The following WDR62 variants were observed in gnomAD, a reference collection of about 807,000 sequenced individuals.
WDR62 encodes WD repeat domain 62.
WDR62 carries 112 observed loss-of-function variants against 160.6 expected under a neutral mutation model. The ratio of observed to expected loss-of-function variants is 0.70; its 90% CI spans 0.60 to 0.82. The LOEUF (loss-of-function observed/expected upper bound fraction) is 0.82, where lower values mean the gene tolerates loss of function less well. Among genes scored for constraint, WDR62 ranks in the 40% least tolerant of loss-of-function variants. The pLI is 0.00. For missense variants in WDR62, 1,819 were observed against 1,983.8 expected, an observed-to-expected ratio of 0.92 and a Z score of 1.58; for synonymous variants, 792 against 815.1, an observed-to-expected ratio of 0.97 and a Z score of 0.48.
At chr19:36,073,277 A>G in intron 8 of WDR62, 65 bp from the exon 9 acceptor site, 6 of 1,526,324 alleles carry the variant, frequency 3.9e-6, no homozygotes, top group Non-Finnish European at 5.5e-6. Context: ...CTCCACTGTC[A>G]CTAGAGGTGG....
rs150116703 is a variant in WDR62 at position 36,067,120 on chromosome 19, T to G, written c.562-186T>G. The stretch of plus-strand genomic sequence containing the variant: ...GGGGACCATTCCAAGCCTCTGTCCC[T>G]TCCTCTGTCGGTGAGGAATGAGCAG... On this transcript the variant is annotated intron_variant, in intron 5 of 31. Coordinates refer to ENST00000401500, the MANE Select transcript of WDR62 (RefSeq NM_001083961.2). Among the ~76,000 whole-genome samples the G allele has an allele frequency of 6.7e-3, 1,016 of 152,282 alleles. 14 individuals carry two copies. Among genetic ancestry groups the G allele is most frequent in the African/African-American group, 0.024 (977 of 41,550 alleles).
chr19:36,091,085 T>A (rs4806271), intron 16 of WDR62, 115 bp from the exon 17 acceptor site: 25 of 869,062 alleles, frequency 2.9e-5, no homozygotes, highest in Non-Finnish European at 4.1e-5. Context: ...CGGGAGCTCC[T>A]GCCCTGCCAG....
chr19:36,099,498 A>C lies in WDR62; in HGVS notation c.2620A>C (p.Lys874Gln), dbSNP rs779995204. 37 of 1,614,028 alleles carry C rather than the reference A, an allele frequency of 2.3e-5. 1 individual carries two copies. In the South Asian group the frequency reaches 3.8e-4, roughly 17 times the overall value. Reference protein sequence around the residue: ...WAERAGQEPLKTILDAQDLDC... With the variant: ...WAERAGQEPLQTILDAQDLDC... ...AGAGCGGGCCGGCCAAGAGCCCCTC[A>C]AGACCATCCTGGATGCCCAGGACCT... Residue 874 changes from lysine (K) to glutamine (Q), a missense_variant, in exon 22 of 32, where the codon AAG becomes CAG. Lys to Gln is a moderately conservative substitution (Grantham distance 53). Coordinates refer to ENST00000401500, the MANE Select transcript of WDR62 (RefSeq NM_001083961.2).
At chr19:36,058,695 C>T in intron 1 of WDR62, 85 bp from the exon 2 acceptor site, 1 of 1,016,288 alleles carries the variant, frequency 9.8e-7, no homozygotes, top group Non-Finnish European at 1.5e-6. Context: ...TTGAATGTAG[C>T]AGGACCTGAA....
At chr19:36,101,532 A>G (rs184606658) in intron 24 of WDR62, 132 bp from the exon 25 acceptor site, 1 of 823,116 alleles carries the variant, frequency 1.2e-6, no homozygotes, top group South Asian at 1.5e-5. Flanking sequence ...TCCCTTATTC[A>G]TAAAATGGGG....
chr19:36,109,310 CT>C (rs1030537805), downstream of WDR62, among the ~76,000 whole-genome samples: 18 of 152,206 alleles, frequency 1.2e-4, no homozygotes, highest in Admixed American at 7.2e-4. Context: ...AGGTACCCCT[CT>C]TTTCCCCATC....
At chr19:36,101,384 C>G (rs898404499) in intron 24 of WDR62, 67 bp downstream of exon 24, 151 of 1,374,464 alleles carry the variant, frequency 1.1e-4, no homozygotes, top group Admixed American at 2.3e-4. Context: ...TTCTGGGCAC[C>G]GATGGTGACT....
intron 9 of WDR62, among the ~76,000 whole-genome samples, chr19:36,078,295 G>A (rs754863513): frequency 3.3e-5 from 5 of 151,520 alleles, no homozygotes; most frequent in African/African-American, 4.8e-5. Context: ...TTACAGGCAC[G>A]CACCACCATG....
rs533680032 is a variant in WDR62, at chr19:36,104,709, G to T, written c.4311+34G>T. The T allele has an allele frequency of 1.1e-5, 17 of 1,613,948 alleles. No homozygotes were observed. In the South Asian group the frequency reaches 1.6e-4, roughly 16 times the overall value. On this transcript the variant is annotated intron_variant, in intron 31 of 31. Coordinates refer to ENST00000401500, the MANE Select transcript of WDR62 (RefSeq NM_001083961.2). ...AGCCCCAGAGTTGGGAAAGGGTTGA[G>T]GGGTCTCTTGAGACCGCCCGGCCTT...
At chr19:36,105,555 G>A (rs1973693465), downstream of WDR62, among the ~76,000 whole-genome samples, 1 of 151,928 alleles carries the variant, frequency 6.6e-6, no homozygotes, top group Non-Finnish European at 1.5e-5. Context: ...CCCATGAACA[G>A]GCTTGCCCAA....
chr19:36,096,221 G>T (rs548346491), intron 20 of WDR62, among the ~76,000 whole-genome samples: 15 of 152,238 alleles, frequency 9.9e-5, no homozygotes, highest in Non-Finnish European at 1.8e-4. Context: ...CTGTGGAGTA[G>T]CTGGGACCAC....
chr19:36,063,434 GT>G (rs1469283323), intron 3 of WDR62, among the ~76,000 whole-genome samples: 1 of 150,490 alleles, frequency 6.6e-6, no homozygotes, highest in East Asian at 1.9e-4. Flanking sequence ...TTTTTTTTTA[GT>G]AGAGACGGGG....
chr19:36,101,799 G>T lies in WDR62; in HGVS notation c.3082+25G>T, dbSNP rs113395978. 9.1e-6 allele frequency: 14 copies of T among 1,542,108 alleles called. No homozygotes were observed. The African/African-American group carries it at 1.6e-4, about 18-fold the overall frequency. ...GGTAAGCAGGGGCCAGACACGCAGGGGACTCGCTGCTCGGGCCTGGCTTAG... is the reference window on the plus strand; with the variant it reads ...GGTAAGCAGGGGCCAGACACGCAGGTGACTCGCTGCTCGGGCCTGGCTTAG... On this transcript the variant is annotated intron_variant, in intron 25 of 31. Transcript: ENST00000401500.
At chr19:36,069,122 C>T (rs1368694511) in intron 7 of WDR62, among the ~76,000 whole-genome samples, 2 of 146,456 alleles carry the variant, frequency 1.4e-5, no homozygotes, top group Non-Finnish European at 3.0e-5. Context: ...CGGGCGGGGG[C>T]TGACTCCCCC....
intron 18 of WDR62, 117 bp downstream of exon 18, chr19:36,091,582 C>A: frequency 9.9e-7 from 1 of 1,005,876 alleles, no homozygotes; most frequent in Non-Finnish European, 1.6e-6. Context: ...GTCTTGGTGT[C>A]ACACCCAGCC....
intron 18 of WDR62, 85 bp downstream of exon 18, chr19:36,091,550 C>G: frequency 2.2e-6 from 3 of 1,368,266 alleles, no homozygotes; most frequent in Admixed American, 3.4e-5. Context: ...CATTTCTAAA[C>G]TGCCCAGTTT....
chr19:36,103,519 A>T lies in WDR62; in HGVS notation c.3691A>T (p.Ser1231Cys). Reference sequence around the variant, plus strand: ...CAGCTCCCGTGCCAGGATATCACGCAGCATCTCCCTCGGTGACAGTGAGGG... The same window carrying T: ...CAGCTCCCGTGCCAGGATATCACGCTGCATCTCCCTCGGTGACAGTGAGGG... ...TASSRARISR[S>C]ISLGDSEGPI... Residue 1231 changes from serine (S) to cysteine (C), a missense_variant, in exon 30 of 32, where the codon AGC becomes TGC. Physicochemically the swap from Ser to Cys is moderately radical, Grantham distance 112 (BLOSUM62 -1). Transcript: ENST00000401500. 1 of 1,614,078 alleles carries T rather than the reference A, an allele frequency of 6.2e-7. No homozygotes were observed.
chr19:36,090,336 C>T lies in WDR62; in HGVS notation c.1959-109C>T, dbSNP rs1275849584. ...TTTCAGTCTAGGCATCAGATGGGGACAAGAGGTAGCAGGGGGCTTCCAGGG... is the reference window on the plus strand; with the variant it reads ...TTTCAGTCTAGGCATCAGATGGGGATAAGAGGTAGCAGGGGGCTTCCAGGG... On this transcript the variant is annotated intron_variant, in intron 15 of 31. Transcript: ENST00000401500. The T allele has an allele frequency of 3.0e-6, 3 of 995,684 alleles. No homozygotes were observed. The East Asian group carries it at 7.2e-5, about 24-fold the overall frequency. The allele number at this position is 995,684 out of a possible 1,614,324, so 61.7% of individuals were successfully genotyped here.
intron 10 of WDR62, among the ~76,000 whole-genome samples, chr19:36,082,134 T>C (rs1454846801): frequency 3.3e-5 from 5 of 152,192 alleles, no homozygotes; most frequent in Non-Finnish European, 7.3e-5. Flanking sequence ...GGCTACATGC[T>C]AGGGACACAA....
Sources: gnomAD v4.1 joint callset for allele counts (sites outside exome capture counted in the v4.1 genomes callset) on GRCh38, gnomAD v4.1.1 for gene constraint, MANE v1.5 for transcripts, NCBI Gene and HGNC (gene_info 2026-07-23, HGNC 2026-07-21) for gene names.